SCN11A: variants seen among roughly 807,000 people sequenced by gnomAD.
The protein encoded by SCN11A is sodium voltage-gated channel alpha subunit 11.
Under a neutral mutation model 162.2 loss-of-function variants are expected in SCN11A, and 122 were observed. The ratio of observed to expected loss-of-function variants is 0.75; its 90% CI spans 0.65 to 0.87. The LOEUF (loss-of-function observed/expected upper bound fraction) is 0.87. Among genes scored for constraint, SCN11A ranks in the 40% least tolerant of loss-of-function variants. SCN11A has a pLI of 0.00. For synonymous variants in SCN11A, 758 were observed against 751.5 expected (o/e 1.01, Z -0.14); for missense variants, 2,015 against 2,181.6 (o/e 0.92, Z 1.52).
intron 2 of SCN11A, among the ~76,000 whole-genome samples, chr3:39,027,125 C>G (rs1479400840): frequency 1.3e-5 from 2 of 152,100 alleles, no homozygotes; most frequent in Admixed American, 6.6e-5. Context: ...AAAAAAATGT[C>G]CAGCAGAAGC....
chr3:38,965,217 C>T (rs1003527356), intron 2 of SCN11A, among the ~76,000 whole-genome samples: 4 of 152,128 alleles, frequency 2.6e-5, no homozygotes, highest in African/African-American at 7.2e-5. Flanking sequence ...ACTGCCGTGC[C>T]GTGATTAAAA....
rs146662732 is a variant in SCN11A, at chr3:38,984,702, G to T, written c.-279-24279C>A. On this transcript the variant is annotated intron_variant, in intron 2 of 29. Coordinates refer to ENST00000302328, the MANE Select transcript of SCN11A (RefSeq NM_001349253.2). ...ATTTTTGTATTTTTAGTAGAGACGG[G>T]GTTTCACCATGTTGGCCAGGCTGGT... is the stretch of plus-strand genomic sequence containing the variant. 2.0e-3 allele frequency among the ~76,000 whole-genome samples: 299 copies of T among 152,150 alleles called. 11 individuals carry two copies. The East Asian group carries it at 0.046, about 24-fold the overall frequency.
chr3:38,853,487 A>G (rs1310074741), intron 28 of SCN11A, among the ~76,000 whole-genome samples: 1 of 152,194 alleles, frequency 6.6e-6, no homozygotes, highest in Non-Finnish European at 1.5e-5. Context: ...ATCTCTCACT[A>G]TATAAAAGAT....
intron 2 of SCN11A, among the ~76,000 whole-genome samples, chr3:39,000,543 T>C (rs2030777671): frequency 6.6e-6 from 1 of 152,322 alleles, no homozygotes; most frequent in South Asian, 2.1e-4. Flanking sequence ...GTTCTTACTT[T>C]CTTCTGTGCT....
At chr3:38,975,140 A>G (rs190246904) in intron 2 of SCN11A, among the ~76,000 whole-genome samples, 2 of 152,176 alleles carry the variant, frequency 1.3e-5, no homozygotes, top group East Asian at 1.9e-4. Flanking sequence ...ATTTCAAAAA[A>G]CGACAGTAAA....
At chr3:39,043,264 C>T (rs550645578) in intron 1 of SCN11A, among the ~76,000 whole-genome samples, 91 of 152,110 alleles carry the variant, frequency 6.0e-4, no homozygotes, top group African/African-American at 2.2e-3. Context: ...TTAGCAGTCT[C>T]AAAAAACTAA....
chr3:38,917,089 A>C (rs2065971745), intron 11 of SCN11A, among the ~76,000 whole-genome samples: 1 of 152,240 alleles, frequency 6.6e-6, no homozygotes, highest in South Asian at 2.1e-4. Flanking sequence ...TGATCATTAG[A>C]GAAATACAAA....
intron 1 of SCN11A, among the ~76,000 whole-genome samples, chr3:39,044,567 T>C (rs2032141696): frequency 6.6e-6 from 1 of 152,018 alleles, no homozygotes; most frequent in Non-Finnish European, 1.5e-5. Context: ...TGCTCCTGAA[T>C]GATAAATATG....
chr3:39,023,135 T>C (rs1025558111), intron 2 of SCN11A, among the ~76,000 whole-genome samples: 7 of 152,206 alleles, frequency 4.6e-5, no homozygotes, highest in Non-Finnish European at 8.8e-5. Context: ...TCAAGCAATA[T>C]GATTTCTGCG....
intron 28 of SCN11A, among the ~76,000 whole-genome samples, chr3:38,860,392 T>C (rs1055575727): frequency 6.6e-6 from 1 of 152,184 alleles, no homozygotes; most frequent in African/African-American, 2.4e-5. Context: ...AATCATTCTA[T>C]GAAGCCAGTA....
Position 38,846,507 on chromosome 3 carries a change from T to A in SCN11A, c.*187A>T. ...TAGTACCACTGGTTGTCAAGTAGCC[T>A]TATCTTATATCTCTGTAAGTATTAT... On this transcript the variant is annotated 3_prime_UTR_variant, in exon 30 of 30. Transcript: ENST00000302328. The A allele has an allele frequency of 3.4e-6, 2 of 585,318 alleles. No homozygotes were observed. The highest frequency in any genetic ancestry group is 6.1e-6 in the Non-Finnish European group (2 of 329,934). 36.3% of individuals were successfully genotyped at this position (585,318 alleles called of 1,614,324 possible).
At chr3:38,981,852 A>T (rs1406275376) in intron 2 of SCN11A, among the ~76,000 whole-genome samples, 1 of 151,832 alleles carries the variant, frequency 6.6e-6, no homozygotes, top group Non-Finnish European at 1.5e-5. Context: ...AAAAATACAA[A>T]AATTAGCCGG....
intron 7 of SCN11A, among the ~76,000 whole-genome samples, chr3:38,937,768 G>A (rs2066360156): frequency 6.6e-6 from 1 of 152,226 alleles, no homozygotes; most frequent in African/African-American, 2.4e-5. Flanking sequence ...CTTTTACACT[G>A]TTGGTGGAAC....
At chr3:38,987,977 C>A (rs73828786) in intron 2 of SCN11A, among the ~76,000 whole-genome samples, 1 of 152,152 alleles carries the variant, frequency 6.6e-6, no homozygotes, top group East Asian at 1.9e-4. Context: ...CAGAATCAAG[C>A]GTGAGGGAAA....
intron 20 of SCN11A, among the ~76,000 whole-genome samples, chr3:38,885,622 C>T (rs1445094816): frequency 6.6e-6 from 1 of 152,172 alleles, no homozygotes; most frequent in Non-Finnish European, 1.5e-5. Flanking sequence ...ATCTCTATAG[C>T]TGAGGAATAG....
At chr3:38,934,353 G>A (rs201629209) in intron 7 of SCN11A, among the ~76,000 whole-genome samples, 1 of 151,912 alleles carries the variant, frequency 6.6e-6, no homozygotes, top group Admixed American at 6.6e-5. Context: ...CATAATGACA[G>A]GATCAAATTC....
rs200772406 is a variant in SCN11A, at chr3:38,847,694, G to A, written c.4376C>T (p.Pro1459Leu). 7 of 1,612,450 alleles carry A rather than the reference G, an allele frequency of 4.3e-6. No individual in the cohort carries two copies. Among genetic ancestry groups the A allele is most frequent in the South Asian group, 1.1e-5 (1 of 90,974 alleles). Reference sequence around the variant, plus strand: ...CAAGCGGACAATTCTGAAGAGCGTCGGAGGGAAAGGAATGTGCTCCTGATT... The same window carrying A: ...CAAGCGGACAATTCTGAAGAGCGTCAGAGGGAAAGGAATGTGCTCCTGATT... ...LENQEHIPFP[P>L]TLFRIVRLAR... The change falls in exon 30 of 30, where the codon CCG (proline) becomes CTG (leucine). Residue 1459 changes from proline to leucine, a missense_variant. Coordinates refer to ENST00000302328, the MANE Select transcript of SCN11A (RefSeq NM_001349253.2).
At chr3:38,938,544 ATATATATTTTTTTTTTTTTTTTT>A in intron 7 of SCN11A, among the ~76,000 whole-genome samples, 1 of 21,376 alleles carries the variant, frequency 4.7e-5, no homozygotes, top group African/African-American at 2.7e-4. Context: ...ATATATATAT[ATATATATTTTTTTTTTTTTTTTT>A]TTTTTTTTTT....
chr3:38,948,937 G>C (rs115651680), intron 5 of SCN11A, among the ~76,000 whole-genome samples: 2,906 of 152,306 alleles, frequency 0.019, 95 homozygotes, highest in African/African-American at 0.066. Context: ...AAACATTGGA[G>C]TGTTTTTGCT....
Sources: gnomAD v4.1 joint callset for allele counts (sites outside exome capture counted in the v4.1 genomes callset) on GRCh38, gnomAD v4.1.1 for gene constraint, MANE v1.5 for transcripts, NCBI Gene and HGNC (gene_info 2026-07-23, HGNC 2026-07-21) for gene names.